Variants in GALNT1 observed in about 807,000 individuals in gnomAD.
The protein encoded by GALNT1 is polypeptide N-acetylgalactosaminyltransferase 1.
A neutral mutation model predicts 65.7 loss-of-function variants in GALNT1; 17 were observed. The observed-to-expected ratio is 0.26, with a 90% CI of 0.18 to 0.39. The LOEUF is 0.39. Ranked by LOEUF, GALNT1 falls within the 10% of genes least tolerant of loss-of-function variation. GALNT1 has a pLI of 1.00. For missense variants in GALNT1, 460 were observed against 672.8 expected (o/e 0.68, Z 3.50); for synonymous variants, 210 against 219.7 (o/e 0.96, Z 0.39).
chr18:35,631,324 C>G (rs1388587278), intron 1 of GALNT1, among the ~76,000 whole-genome samples: 1 of 151,980 alleles, frequency 6.6e-6, no homozygotes, highest in African/African-American at 2.4e-5. Flanking sequence ...ACTGGCAAAC[C>G]GAATCCAGCA....
chr18:35,616,483 G>T (rs1207712992), intron 1 of GALNT1, among the ~76,000 whole-genome samples: 2 of 152,126 alleles, frequency 1.3e-5, no homozygotes, highest in African/African-American at 2.4e-5. Context: ...TCTATTAAAA[G>T]AAATATAGCT....
At chr18:35,662,606 A>G (rs543926746) in intron 2 of GALNT1, among the ~76,000 whole-genome samples, 4 of 149,576 alleles carry the variant, frequency 2.7e-5, no homozygotes, top group African/African-American at 1.0e-4. Flanking sequence ...CCTTGATGCC[A>G]CTATTTTTTG....
chr18:35,663,424 G>T (rs1276216698), intron 2 of GALNT1, among the ~76,000 whole-genome samples: 3 of 152,196 alleles, frequency 2.0e-5, no homozygotes, highest in Non-Finnish European at 1.5e-5. Context: ...GTGGGGCAAG[G>T]TGACGAAGTC....
chr18:35,703,106 AAAT>A (rs777943974), intron 10 of GALNT1, 111 bp downstream of exon 10: 46 of 643,160 alleles, frequency 7.2e-5, no homozygotes, highest in Non-Finnish European at 1.0e-4. Context: ...TTTAAAGAGA[AAAT>A]AATAAAGACT....
intron 2 of GALNT1, among the ~76,000 whole-genome samples, chr18:35,660,379 T>G (rs570248642): frequency 6.6e-6 from 1 of 152,132 alleles, no homozygotes; most frequent in Non-Finnish European, 1.5e-5. Context: ...TAATTACCTT[T>G]TCTAAAACAT....
At chr18:35,594,748 G>A (rs1340219609) in intron 1 of GALNT1, among the ~76,000 whole-genome samples, 2 of 152,154 alleles carry the variant, frequency 1.3e-5, no homozygotes, top group African/African-American at 2.4e-5. Context: ...TCCTGCAGAC[G>A]GAGAAGAACA....
intron 1 of GALNT1, among the ~76,000 whole-genome samples, chr18:35,628,000 A>G (rs2144163964): frequency 6.6e-6 from 1 of 152,238 alleles, no homozygotes; most frequent in African/African-American, 2.4e-5. Flanking sequence ...TTGAACTGCA[A>G]TGTGGCAGCG....
At chr18:35,692,865 T>C (rs187975191) in intron 9 of GALNT1, among the ~76,000 whole-genome samples, 24 of 152,288 alleles carry the variant, frequency 1.6e-4, no homozygotes, top group Non-Finnish European at 1.5e-4. Context: ...GGATTAAATC[T>C]CAGGAAAAGT....
At chr18:35,638,455 C>G (rs572740076) in intron 1 of GALNT1, among the ~76,000 whole-genome samples, 11 of 152,222 alleles carry the variant, frequency 7.2e-5, no homozygotes, top group Non-Finnish European at 1.5e-4. Context: ...GTGCTTCCCC[C>G]CTTCCCCACC....
intron 11 of GALNT1, among the ~76,000 whole-genome samples, chr18:35,706,735 A>C (rs1021589875): frequency 6.6e-6 from 1 of 152,134 alleles, no homozygotes; most frequent in African/African-American, 2.4e-5. Context: ...GCAGAGGGAG[A>C]AGTTGAGTTG....
intron 3 of GALNT1, among the ~76,000 whole-genome samples, chr18:35,668,979 C>A (rs541114447): frequency 2.0e-5 from 3 of 152,316 alleles, no homozygotes; most frequent in Admixed American, 1.3e-4. Flanking sequence ...CACTGACTCA[C>A]GCCTGTAATC....
intron 9 of GALNT1, among the ~76,000 whole-genome samples, chr18:35,696,991 CTTGCCTGG>C (rs1161808788): frequency 6.6e-6 from 1 of 152,238 alleles, no homozygotes; most frequent in Non-Finnish European, 1.5e-5. Context: ...GCTCTAACCT[CTTGCCTGG>C]TTTTCCAAGA....
chr18:35,709,943 C>T lies in GALNT1; in HGVS notation c.*173C>T. On this transcript the variant is annotated 3_prime_UTR_variant, in exon 12 of 12. Coordinates refer to ENST00000269195, the MANE Select transcript of GALNT1 (RefSeq NM_020474.4). ...CTCTAGCTTTTCACTAGCTGTGAAC[C>T]AGCCTTCCTGTCCATGGACGTGAAA... 1.5e-6 allele frequency: 1 copy of T among 680,574 alleles called. No individual in the cohort carries two copies. The highest frequency in any genetic ancestry group is 2.4e-6 in the Non-Finnish European group (1 of 413,216). 42.2% of individuals were successfully genotyped at this position (680,574 alleles called of 1,614,324 possible). A position where few individuals can be genotyped will look rare whatever the true frequency, so the allele number is the denominator to read the frequency against.
chr18:35,702,849 AATT>A, intron 9 of GALNT1, 45 bp from the exon 10 acceptor site: 1 of 1,294,238 alleles, frequency 7.7e-7, no homozygotes, highest in Non-Finnish European at 1.1e-6. Flanking sequence ...CTGTCTGTCT[AATT>A]AACTTCTCCA....
intron 1 of GALNT1, among the ~76,000 whole-genome samples, chr18:35,645,970 GA>G (rs2047225582): frequency 6.6e-6 from 1 of 152,130 alleles, no homozygotes; most frequent in South Asian, 2.1e-4. Flanking sequence ...GTCAGGAATG[GA>G]AGAGCAGTGT....
At chr18:35,589,949 T>A (rs2046423740) in intron 1 of GALNT1, among the ~76,000 whole-genome samples, 1 of 152,272 alleles carries the variant, frequency 6.6e-6, no homozygotes, top group South Asian at 2.1e-4. Flanking sequence ...ATGCTTGCTC[T>A]CACCCTCTCT....
intron 6 of GALNT1, among the ~76,000 whole-genome samples, chr18:35,688,194 AC>A (rs2047897894): frequency 6.6e-6 from 1 of 152,078 alleles, no homozygotes; most frequent in Non-Finnish European, 1.5e-5. Context: ...GGTCAAGAAA[AC>A]CCTGTATTAA....
At chr18:35,657,421 A>T (rs8089391) in intron 2 of GALNT1, among the ~76,000 whole-genome samples, 5 of 152,178 alleles carry the variant, frequency 3.3e-5, no homozygotes, top group African/African-American at 1.2e-4. Context: ...ACTTTGAGGA[A>T]CTGGTAGCGA....
chr18:35,660,590 T>C (rs957663699), intron 2 of GALNT1, among the ~76,000 whole-genome samples: 1 of 152,198 alleles, frequency 6.6e-6, no homozygotes, highest in African/African-American at 2.4e-5. Flanking sequence ...CTCATTTCAG[T>C]TTCTTTCTAA....
Sources: gnomAD v4.1 joint callset for allele counts (sites outside exome capture counted in the v4.1 genomes callset) on GRCh38, gnomAD v4.1.1 for gene constraint, MANE v1.5 for transcripts, NCBI Gene and HGNC (gene_info 2026-07-23, HGNC 2026-07-21) for gene names.